GCKR: variants seen among roughly 807,000 people sequenced by gnomAD.
GCKR encodes glucokinase regulator, also known as glucokinase regulatory protein.
In GCKR, 73 loss-of-function variants were observed where a neutral mutation model predicts 82.9. The ratio of observed to expected loss-of-function variants is 0.88; its 90% confidence interval spans 0.73 to 1.07. GCKR has a LOEUF of 1.07. Ranked by LOEUF, GCKR falls within the 50% of genes least tolerant of loss-of-function variation. The pLI, the probability that GCKR is intolerant of heterozygous loss-of-function variation, is 0.00. For synonymous variants in GCKR, 294 were observed against 291.8 expected (o/e 1.01, Z -0.08); for missense variants, 784 against 782.1 (o/e 1.00, Z -0.03).
chr2:27,499,958 A>C (rs1004758087), intron 7 of GCKR, among the ~76,000 whole-genome samples: 6 of 152,008 alleles, frequency 3.9e-5, no homozygotes, highest in African/African-American at 1.4e-4. Flanking sequence ...GAGTTTCACC[A>C]TGTTGGCCAG....
chr2:27,523,142 G>A, intron 18 of GCKR, 127 bp from the exon 19 acceptor site: 1 of 750,624 alleles, frequency 1.3e-6, no homozygotes, highest in East Asian at 2.7e-5. Flanking sequence ...TAAGTGATCT[G>A]CCCACCTCGG....
Position 27,506,326 on chromosome 2 carries a change from C to T in GCKR, c.870-155C>T, listed in dbSNP as rs114612460. On this transcript the variant is annotated intron_variant, in intron 10 of 18. Coordinates refer to ENST00000264717, the MANE Select transcript of GCKR (RefSeq NM_001486.4). Reference sequence around the variant, plus strand: ...ATTGAAGAAGCCCTTGCTGCCCCTTCGGAACGCAGTCTGGGCCTACTCTCT... The same window carrying T: ...ATTGAAGAAGCCCTTGCTGCCCCTTTGGAACGCAGTCTGGGCCTACTCTCT... Among the ~76,000 whole-genome samples the T allele has an allele frequency of 0.017, 2,541 of 152,250 alleles. 39 individuals carry two copies. Among genetic ancestry groups the T allele is most frequent in the Non-Finnish European group, 0.026 (1,773 of 68,006 alleles).
chr2:27,518,834 G>GT lies in GCKR; in HGVS notation c.1470dup (p.Thr491TyrfsTer9), dbSNP rs772829570. 6.2e-7 allele frequency: 1 copy of GT among 1,612,908 alleles called. No homozygotes were observed. ...ACCAAATGGGTGCTGAATACAGTGA[G>GT]TACAGGTGCTCATGTGCTTCTTGGT... is the stretch of plus-strand genomic sequence containing the variant. On this transcript the variant is annotated frameshift_variant, in exon 17 of 19. Coordinates refer to ENST00000264717, the MANE Select transcript of GCKR (RefSeq NM_001486.4). LOFTEE classifies it high-confidence loss of function.
rs748015551 is a variant in GCKR at position 27,497,343 on chromosome 2, G to A, written c.160G>A (p.Gly54Arg). 1.9e-6 allele frequency: 3 copies of A among 1,614,194 alleles called. No homozygotes were observed. In the Admixed American group the frequency reaches 5.0e-5, roughly 27 times the overall value. Residue 54 changes from glycine to arginine, a missense_variant, in exon 2 of 19, where the codon GGG (glycine) becomes AGG (arginine). Coordinates refer to ENST00000264717, the MANE Select transcript of GCKR (RefSeq NM_001486.4). Reference sequence around the variant, plus strand: ...TGCTGAGAACATTGTTCGACTGCTAGGGCAATGTGATGCTGAGATCTTCCA... The same window carrying A: ...TGCTGAGAACATTGTTCGACTGCTAAGGCAATGTGATGCTGAGATCTTCCA... ...ADAENIVRLL[G>R]QCDAEIFQEE...
chr2:27,502,566 C>T (rs114747478), intron 8 of GCKR, among the ~76,000 whole-genome samples: 334 of 152,212 alleles, frequency 2.2e-3, no homozygotes, highest in Non-Finnish European at 3.5e-3. Context: ...GGAATCTCGA[C>T]GTTAAACCAT....
intron 17 of GCKR, among the ~76,000 whole-genome samples, chr2:27,520,810 C>A (rs1026037627): frequency 6.6e-6 from 1 of 152,052 alleles, no homozygotes; most frequent in Non-Finnish European, 1.5e-5. Flanking sequence ...CCGAAGCAGG[C>A]AGATCACTTG....
intron 16 of GCKR, among the ~76,000 whole-genome samples, chr2:27,511,589 G>T (rs1186898269): frequency 3.3e-5 from 5 of 151,726 alleles, no homozygotes; most frequent in African/African-American, 1.2e-4. Context: ...ATCCCAGCTA[G>T]TCGGGAGGCT....
In GCKR at chr2:27,498,759, GA is replaced by G; in HGVS notation, c.393del (p.Lys131AsnfsTer33). On this transcript the variant is annotated frameshift_variant, in exon 5 of 19. Coordinates refer to ENST00000264717, the MANE Select transcript of GCKR (RefSeq NM_001486.4). LOFTEE classifies it high-confidence loss of function. Reference sequence around the variant, plus strand: ...ATCAGCTGATGAAAGGTCTGGGACAGAAACCTCTTTACACCTACCTCATTGC... The same window carrying G: ...ATCAGCTGATGAAAGGTCTGGGACAGAACCTCTTTACACCTACCTCATTGC... ...FNQLMKGLGQ[K>X]PLYTYLIAGG... The G allele has an allele frequency of 6.2e-7, 1 of 1,610,050 alleles. No individual in the cohort carries two copies. The highest frequency in any genetic ancestry group is 2.2e-5 in the East Asian group (1 of 44,856).
Position 27,508,169 on chromosome 2 carries a change from T to A in GCKR, c.1340T>A (p.Ile447Asn). 6.2e-7 allele frequency: 1 copy of A among 1,605,950 alleles called. No homozygotes were observed. Among genetic ancestry groups the A allele is most frequent in the African/African-American group, 1.3e-5 (1 of 74,568 alleles). ...CTGCTCCTCTTTCTCTCTCTCCAGATCCCTCTGAAGAAGCTCTTTCCCTCC... is the reference window on the plus strand; with the variant it reads ...CTGCTCCTCTTTCTCTCTCTCCAGAACCCTCTGAAGAAGCTCTTTCCCTCC... Reference protein sequence around the residue: ...AHSTVGQTLLIPLKKLFPSII... With the variant: ...AHSTVGQTLLNPLKKLFPSII... The change falls in exon 16 of 19, where the codon ATC (isoleucine) becomes AAC (asparagine). Residue 447 changes from isoleucine to asparagine, a missense_variant and splice_region_variant. Physicochemically the swap from Ile to Asn is moderately radical, Grantham distance 149. Transcript: ENST00000264717.
rs1315049985 is a variant in GCKR, at chr2:27,503,567, T to G, written c.698T>G (p.Met233Arg). ...ACATTCCGACAAGTAGCAGAGCGGA[T>G]GCAGAAAATGCAGGAGAAACAGAAA... ...SSTFRQVAER[M>R]QKMQEKQKAF... is the part of the protein sequence containing the mutation. The change falls in exon 9 of 19, where the codon ATG becomes AGG. Residue 233 changes from methionine to arginine, a missense_variant. Physicochemically the swap from Met to Arg is moderately conservative, Grantham distance 91 (BLOSUM62 -1). Coordinates refer to ENST00000264717, the MANE Select transcript of GCKR (RefSeq NM_001486.4). The G allele has an allele frequency of 6.2e-7, 1 of 1,611,820 alleles. No homozygotes were observed. Among genetic ancestry groups the G allele is most frequent in the Non-Finnish European group, 8.5e-7 (1 of 1,177,904 alleles).
At chr2:27,502,245 T>C (rs1038060492) in intron 8 of GCKR, among the ~76,000 whole-genome samples, 1 of 152,196 alleles carries the variant, frequency 6.6e-6, no homozygotes, top group Non-Finnish European at 1.5e-5. Context: ...ACCCTGATCC[T>C]TTTCATGGAG....
chr2:27,507,606 G>A lies in GCKR; in HGVS notation c.1144-75G>A, dbSNP rs542994932. 667 of 825,836 alleles carry A rather than the reference G, an allele frequency of 8.1e-4. 3 individuals are homozygous for A. The highest frequency in any genetic ancestry group is 1.2e-3 in the Non-Finnish European group (562 of 463,084). The allele number at this position is 825,836 out of a possible 1,614,324, so 51.2% of individuals were successfully genotyped here. On this transcript the variant is annotated intron_variant, in intron 13 of 18. Transcript: ENST00000264717. ...CACAAAAGTGTTAGATCTCCTCCAC[G>A]GCCCCCTTTAGTCCTCAAGTCTGTG...
At position 27,506,562 on chromosome 2, in the gene GCKR, G is replaced by A. The variant is rs183604770; in HGVS notation, c.951G>A (p.Met317Ile). The A allele has an allele frequency of 3.7e-6, 6 of 1,610,012 alleles. No homozygotes were observed. The highest frequency in any genetic ancestry group is 5.1e-6 in the Non-Finnish European group (6 of 1,176,232). ...AAAGCCCCAAGATTGCCACCCTGATGAAGAGTGTCAGCACCAGGTGTGTGG... is the reference window on the plus strand; with the variant it reads ...AAAGCCCCAAGATTGCCACCCTGATAAAGAGTGTCAGCACCAGGTGTGTGG... ...YSQSPKIATL[M>I]KSVSTSLEKK... Residue 317 changes from methionine (M) to isoleucine (I), a missense_variant, in exon 11 of 19, where the codon ATG (methionine) becomes ATA (isoleucine). Physicochemically the swap from Met to Ile is conservative, Grantham distance 10. Coordinates refer to ENST00000264717, the MANE Select transcript of GCKR (RefSeq NM_001486.4).
chr2:27,497,596 T>C lies in GCKR; in HGVS notation c.251T>C (p.Val84Ala). Residue 84 changes from valine to alanine, a missense_variant, in exon 3 of 19, where the codon GTA (valine) becomes GCA (alanine). Transcript: ENST00000264717. ...AGCGAATCCATTCTGACCACCATGGTACAGGTGGCTGGGAAAGTTCAGGAA... is the reference window on the plus strand; with the variant it reads ...AGCGAATCCATTCTGACCACCATGGCACAGGTGGCTGGGAAAGTTCAGGAA... ...LYSESILTTM[V>A]QVAGKVQEVL... 1 of 1,612,680 alleles carries C rather than the reference T, an allele frequency of 6.2e-7. No homozygotes were observed. The highest frequency in any genetic ancestry group is 8.5e-7 in the Non-Finnish European group (1 of 1,178,608).
chr2:27,503,659 CA>C (rs1356389764), intron 9 of GCKR, 40 bp downstream of exon 9: 1 of 1,012,366 alleles, frequency 9.9e-7, no homozygotes, highest in South Asian at 1.3e-5. Flanking sequence ...ACCCCTCCAA[CA>C]CCTGGGAACT....
At chr2:27,498,456 T>G (rs1327168948) in intron 4 of GCKR, 133 bp downstream of exon 4, 2 of 713,100 alleles carry the variant, frequency 2.8e-6, no homozygotes, top group African/African-American at 1.8e-5. Flanking sequence ...GCTCTTTCTC[T>G]CTTCCAAAAG....
At chr2:27,497,006 A>G (rs890373343) in intron 1 of GCKR, 42 bp downstream of exon 1, 2 of 1,516,774 alleles carry the variant, frequency 1.3e-6, no homozygotes, top group Non-Finnish European at 1.8e-6. Flanking sequence ...GCTGATTCCT[A>G]GAATTATTTT....
intron 18 of GCKR, 46 bp from the exon 19 acceptor site, chr2:27,523,223 G>T (rs781584677): frequency 1.3e-6 from 2 of 1,556,318 alleles, no homozygotes; most frequent in East Asian, 2.2e-5. Context: ...TTTCTCTGAT[G>T]ACCTCATTCC....
At position 27,498,730 on chromosome 2, in the gene GCKR, T is replaced by C; in HGVS notation, c.361T>C (p.Phe121Leu). 6.3e-7 allele frequency: 1 copy of C among 1,597,564 alleles called. No homozygotes were observed. Among genetic ancestry groups the C allele is most frequent in the Non-Finnish European group, 8.6e-7 (1 of 1,164,886 alleles). ...TCCTCTCCCTGCTTGACAGGTGTCCTTTAATCAGCTGATGAAAGGTCTGGG... is the reference window on the plus strand; with the variant it reads ...TCCTCTCCCTGCTTGACAGGTGTCCCTTAATCAGCTGATGAAAGGTCTGGG... ...GRMAFLMSVS[F>L]NQLMKGLGQK... Residue 121 changes from phenylalanine to leucine, a missense_variant, in exon 5 of 19, where the codon TTT (phenylalanine) becomes CTT (leucine). Phe to Leu is a conservative substitution (Grantham distance 22, BLOSUM62 0). Coordinates refer to ENST00000264717, the MANE Select transcript of GCKR (RefSeq NM_001486.4).
Sources: gnomAD v4.1 joint callset for allele counts (sites outside exome capture counted in the v4.1 genomes callset) on GRCh38, gnomAD v4.1.1 for gene constraint, MANE v1.5 for transcripts, NCBI Gene and HGNC (gene_info 2026-07-23, HGNC 2026-07-21) for gene names.